The following HDAC9 variants were observed in gnomAD, a reference collection of about 807,000 sequenced individuals.
HDAC9 encodes MEF-2 interacting transcription repressor (MITR) protein.
A neutral mutation model predicts 139.4 loss-of-function variants in HDAC9; 41 were observed. That is an observed-to-expected ratio of 0.29 (90% CI 0.23 to 0.38). HDAC9 has a LOEUF of 0.38. Among genes scored for constraint, HDAC9 ranks in the 10% least tolerant of loss-of-function variants. The probability of loss-of-function intolerance (pLI) is 1.00; values close to 1 mark genes in which losing one functional copy is unlikely to be tolerated. For synonymous variants in HDAC9, 517 were observed against 476.2 expected (o/e 1.09, Z -1.12); for missense variants, 1,147 against 1,297.0 (o/e 0.88, Z 1.78).
upstream of HDAC9, among the ~76,000 whole-genome samples, chr7:18,286,935 T>A (rs1414357293): frequency 6.6e-6 from 1 of 152,186 alleles, no homozygotes; most frequent in Admixed American, 6.5e-5. Flanking sequence ...GGGCTCTGAC[T>A]ATCTAATAAA....
chr7:18,119,812 G>A (rs983035317), intron 1 of HDAC9, among the ~76,000 whole-genome samples: 3 of 152,126 alleles, frequency 2.0e-5, no homozygotes, highest in Non-Finnish European at 2.9e-5. Context: ...AACTTTCTCC[G>A]TGAGTCAAAG....
chr7:18,902,154 G>A (rs935032760), intron 22 of HDAC9, among the ~76,000 whole-genome samples: 1 of 152,218 alleles, frequency 6.6e-6, no homozygotes, highest in South Asian at 2.1e-4. Flanking sequence ...CTTCCTTAAG[G>A]ATGACAACAG....
At chr7:18,636,909 A>G (rs1331891200) in intron 8 of HDAC9, among the ~76,000 whole-genome samples, 1 of 151,980 alleles carries the variant, frequency 6.6e-6, no homozygotes, top group African/African-American at 2.4e-5. Flanking sequence ...GATTGTTGTT[A>G]TCTCTCAGTA....
At chr7:18,121,216 G>C (rs1047681211) in intron 1 of HDAC9, among the ~76,000 whole-genome samples, 1 of 152,154 alleles carries the variant, frequency 6.6e-6, no homozygotes, top group African/African-American at 2.4e-5. Flanking sequence ...TAATTGGCAA[G>C]ACTCCCTCCT....
chr7:18,159,011 A>G (rs978511096), intron 1 of HDAC9, among the ~76,000 whole-genome samples: 6 of 152,184 alleles, frequency 3.9e-5, no homozygotes, highest in Admixed American at 3.3e-4. Flanking sequence ...TTTATTGTGG[A>G]TTTATGTAGC....
chr7:18,862,246 T>A (rs1258050515), intron 21 of HDAC9, among the ~76,000 whole-genome samples: 2 of 152,150 alleles, frequency 1.3e-5, no homozygotes, highest in Non-Finnish European at 2.9e-5. Flanking sequence ...GGCAACAACT[T>A]TTCTTATCAA....
At chr7:18,868,007 T>A (rs1437254574) in intron 21 of HDAC9, among the ~76,000 whole-genome samples, 2 of 152,222 alleles carry the variant, frequency 1.3e-5, no homozygotes, top group Non-Finnish European at 2.9e-5. Flanking sequence ...ATGTCTTTGT[T>A]TCAAGGCTAA....
intron 22 of HDAC9, among the ~76,000 whole-genome samples, chr7:18,891,479 G>A (rs997654813): frequency 6.6e-6 from 1 of 152,130 alleles, no homozygotes; most frequent in African/African-American, 2.4e-5. Context: ...GCACTTGGGT[G>A]CAAAATGAGA....
intron 1 of HDAC9, among the ~76,000 whole-genome samples, chr7:18,125,910 C>G (rs1039422229): frequency 6.6e-6 from 1 of 152,016 alleles, no homozygotes; most frequent in Non-Finnish European, 1.5e-5. Flanking sequence ...TAAGTGGTGC[C>G]GAAACAGGCC....
intron 1 of HDAC9, among the ~76,000 whole-genome samples, chr7:18,315,341 G>C (rs1009552814): frequency 1.3e-5 from 2 of 152,074 alleles, no homozygotes; most frequent in Non-Finnish European, 2.9e-5. Context: ...CGTCCCTTTA[G>C]AATATATAAA....
intron 2 of HDAC9, among the ~76,000 whole-genome samples, chr7:18,505,525 A>G (rs937857957): frequency 7.9e-5 from 12 of 152,186 alleles, no homozygotes; most frequent in African/African-American, 2.4e-5. Flanking sequence ...TCCAGTTTGG[A>G]CAATTTAGGT....
chr7:18,389,298 A>G (rs12155400), intron 1 of HDAC9, among the ~76,000 whole-genome samples: 4,470 of 152,298 alleles, frequency 0.029, 95 homozygotes, highest in South Asian at 0.051. Flanking sequence ...ATCAGTGGAT[A>G]ATCACAATAA....
chr7:18,138,425 G>T (rs1257774247), intron 1 of HDAC9, among the ~76,000 whole-genome samples: 1 of 151,904 alleles, frequency 6.6e-6, no homozygotes, highest in East Asian at 1.9e-4. Flanking sequence ...TAGAACTCCT[G>T]GTTTTAGGAG....
intron 25 of HDAC9, 132 bp from the exon 26 acceptor site, chr7:18,995,891 T>C (rs1052405170): frequency 1.6e-6 from 1 of 619,320 alleles, no homozygotes; most frequent in Non-Finnish European, 2.8e-6. Context: ...AAAGAAATTC[T>C]ATTTATGGAT....
At chr7:18,754,518 G>A (rs942006231) in intron 14 of HDAC9, among the ~76,000 whole-genome samples, 1 of 152,044 alleles carries the variant, frequency 6.6e-6, no homozygotes, top group African/African-American at 2.4e-5. Flanking sequence ...ATTTTATAAT[G>A]CTTTTGTTGG....
At chr7:18,524,666 TC>T (rs1382427589) in intron 2 of HDAC9, among the ~76,000 whole-genome samples, 2 of 152,092 alleles carry the variant, frequency 1.3e-5, no homozygotes, top group Non-Finnish European at 2.9e-5. Context: ...ATATATATTT[TC>T]CCATTCTTAA....
chr7:18,104,742 GTGTGGGCATATT>G (rs1783093869), intron 1 of HDAC9, among the ~76,000 whole-genome samples: 1 of 152,002 alleles, frequency 6.6e-6, no homozygotes, highest in Non-Finnish European at 1.5e-5. Flanking sequence ...CACTCCCTCA[GTGTGGGCATATT>G]CTGATTCTTG....
At chr7:18,184,007 C>T (rs949176212) in intron 2 of HDAC9, among the ~76,000 whole-genome samples, 1 of 151,974 alleles carries the variant, frequency 6.6e-6, no homozygotes, top group Admixed American at 6.6e-5. Flanking sequence ...TTTTTTGTTA[C>T]CTGTTATTGC....
At chr7:18,142,411 G>T (rs1378084237) in intron 1 of HDAC9, among the ~76,000 whole-genome samples, 2 of 152,034 alleles carry the variant, frequency 1.3e-5, no homozygotes. Flanking sequence ...TATCCCTGAG[G>T]TTCTTCTCCC....
Sources: gnomAD v4.1 joint callset for allele counts (sites outside exome capture counted in the v4.1 genomes callset) on GRCh38, gnomAD v4.1.1 for gene constraint, MANE v1.5 for transcripts, NCBI Gene and HGNC (gene_info 2026-07-23, HGNC 2026-07-21) for gene names.